SH3PXD2B: variants seen among roughly 807,000 people sequenced by gnomAD.
The protein encoded by SH3PXD2B is SH3 and PX domains 2B.
SH3PXD2B carries 37 observed loss-of-function variants against 73.1 expected under a neutral mutation model. The observed-to-expected ratio is 0.51, with a 90% CI of 0.39 to 0.67. SH3PXD2B has a LOEUF of 0.67. Among genes scored for constraint, SH3PXD2B ranks in the 30% least tolerant of loss-of-function variants. The pLI is 0.00. For missense variants in SH3PXD2B, 1,053 were observed against 1,197.8 expected, an observed-to-expected ratio of 0.88 and a Z score of 1.78; for synonymous variants, 457 against 480.5, an observed-to-expected ratio of 0.95 and a Z score of 0.64.
chr5:172,338,310 T>TA lies in SH3PXD2B; in HGVS notation c.*58dup. 1 of 1,612,400 alleles carries TA rather than the reference T, an allele frequency of 6.2e-7. No individual in the cohort carries two copies. The highest frequency in any genetic ancestry group is 8.5e-7 in the Non-Finnish European group (1 of 1,179,984). On this transcript the variant is annotated 3_prime_UTR_variant, in exon 13 of 13. Coordinates refer to ENST00000311601, the MANE Select transcript of SH3PXD2B (RefSeq NM_001017995.3). This position sits in a 1 kb window ranked among gnomAD's most constrained non-coding sequence, Gnocchi z 5.1. ...GAGAATGATAAATTAAGAGGCGTATTAAATACGTGGGTAAAGCCAGCAAGG... is the reference window on the plus strand; with the variant it reads ...GAGAATGATAAATTAAGAGGCGTATTAAAATACGTGGGTAAAGCCAGCAAGG...
chr5:172,366,931 C>CCTTTTTTTTT (rs1226783777), intron 6 of SH3PXD2B, among the ~76,000 whole-genome samples: 6 of 69,684 alleles, frequency 8.6e-5, no homozygotes, highest in Admixed American at 1.7e-4. Context: ...CGTGCCCGGC[C>CCTTTTTTTTT]ATTTTTTTTT....
intron 1 of SH3PXD2B, among the ~76,000 whole-genome samples, chr5:172,449,593 TAATTCAC>T (rs1759747701): frequency 6.6e-6 from 1 of 152,170 alleles, no homozygotes; most frequent in South Asian, 2.1e-4. Context: ...CAAAAACTGG[TAATTCAC>T]GGAAGAGGAA....
intron 6 of SH3PXD2B, among the ~76,000 whole-genome samples, chr5:172,368,805 T>C (rs1449809872): frequency 7.7e-6 from 1 of 130,324 alleles, no homozygotes; most frequent in Admixed American, 9.3e-5. Flanking sequence ...ACATATATAA[T>C]ATGTATATTA....
At chr5:172,389,148 T>C (rs898051082) in intron 4 of SH3PXD2B, among the ~76,000 whole-genome samples, 2 of 151,604 alleles carry the variant, frequency 1.3e-5, no homozygotes, top group African/African-American at 4.9e-5. Context: ...CTCTGCCTTC[T>C]GGGTTCAAGC....
Position 172,415,436 on chromosome 5 carries a change from G to T in SH3PXD2B, c.156+6980C>A, listed in dbSNP as rs867156666. Among the ~76,000 whole-genome samples the T allele has an allele frequency of 3.3e-5, 5 of 152,182 alleles. No homozygotes were observed. The South Asian group carries it at 1.0e-3, about 32-fold the overall frequency. On this transcript the variant is annotated intron_variant, in intron 2 of 12. Coordinates refer to ENST00000311601, the MANE Select transcript of SH3PXD2B (RefSeq NM_001017995.3). ...ATTGAAAGGCAATCCCGGGGCCCAAGGAGGCAGGGAGGTTAGGAGTGCAAG... is the reference window on the plus strand; with the variant it reads ...ATTGAAAGGCAATCCCGGGGCCCAATGAGGCAGGGAGGTTAGGAGTGCAAG...
rs142163158 is a variant in SH3PXD2B at position 172,446,651 on chromosome 5, C to T, written c.75+7627G>A. 7.6e-3 allele frequency among the ~76,000 whole-genome samples: 1,151 copies of T among 152,278 alleles called. 12 individuals are homozygous for T. The highest frequency in any genetic ancestry group is 0.025 in the African/African-American group (1,053 of 41,566). On this transcript the variant is annotated intron_variant, in intron 1 of 12. Transcript: ENST00000311601. ...CTGCTTGCCGACTTGCCTGCACCTC[C>T]GGTGGGAGGCAAGAGGATGCATGAA...
chr5:172,345,374 A>G (rs1756973216), intron 12 of SH3PXD2B, among the ~76,000 whole-genome samples: 1 of 152,178 alleles, frequency 6.6e-6, no homozygotes, highest in Non-Finnish European at 1.5e-5. Flanking sequence ...TAGGAGATCC[A>G]GGAGCATTTT....
At chr5:172,414,383 C>G (rs369920960) in intron 2 of SH3PXD2B, among the ~76,000 whole-genome samples, 4 of 144,922 alleles carry the variant, frequency 2.8e-5, no homozygotes, top group Non-Finnish European at 4.5e-5. Flanking sequence ...GTGGGGGAAT[C>G]GTTTGAACCC....
chr5:172,333,533 T>A lies in SH3PXD2B; in HGVS notation c.*4836A>T, dbSNP rs1046235666. The A allele has an allele frequency of 3.4e-5, 38 of 1,131,206 alleles. No homozygotes were observed. In the Admixed American group the frequency reaches 4.1e-4, roughly 12 times the overall value. The allele number at this position is 1,131,206 out of a possible 1,614,324, so 70.1% of individuals were successfully genotyped here. A position where few individuals can be genotyped will look rare whatever the true frequency, so the allele number is the denominator to read the frequency against. The stretch of plus-strand genomic sequence containing the variant: ...AAGCTTGAAACCAGTCAAGCACTTT[T>A]TTTATTTAAAAAAAAAAAAAGGAAA... On this transcript the variant is annotated 3_prime_UTR_variant, in exon 13 of 13. Transcript: ENST00000311601.
chr5:172,365,585 TC>T lies in SH3PXD2B; in HGVS notation c.428-2717del, dbSNP rs540810469. On this transcript the variant is annotated intron_variant, in intron 6 of 12. Coordinates refer to ENST00000311601, the MANE Select transcript of SH3PXD2B (RefSeq NM_001017995.3). ...TCCAGCCCTCTCCTCATCCTCCACT[TC>T]CCCCGAGGTCAGGTGGCAGGGCCGA... Among the ~76,000 whole-genome samples the T allele has an allele frequency of 4.3e-3, 599 of 140,350 alleles. 2 individuals carry two copies. The highest frequency in any genetic ancestry group is 0.016 in the African/African-American group (563 of 35,286). 92.1% of individuals were successfully genotyped at this position (140,350 alleles called of 152,430 possible).
intron 1 of SH3PXD2B, among the ~76,000 whole-genome samples, chr5:172,453,479 G>C (rs896757818): frequency 6.6e-6 from 1 of 152,208 alleles, no homozygotes; most frequent in African/African-American, 2.4e-5. Context: ...TCCACCTGCA[G>C]GTCACCGTCA....
At chr5:172,434,791 T>TTTTG (rs57552318) in intron 1 of SH3PXD2B, among the ~76,000 whole-genome samples, 43 of 149,882 alleles carry the variant, frequency 2.9e-4, no homozygotes, top group African/African-American at 5.5e-4. Flanking sequence ...GGTTTTTTTT[T>TTTTG]TTTTTTTTTT....
At chr5:172,409,486 C>T (rs114585360) in intron 2 of SH3PXD2B, among the ~76,000 whole-genome samples, 2,918 of 152,260 alleles carry the variant, frequency 0.019, 87 homozygotes, top group African/African-American at 0.06. Flanking sequence ...CTCCCCACTT[C>T]CCCCTACCCT....
intron 7 of SH3PXD2B, 103 bp from the exon 8 acceptor site, chr5:172,358,980 G>A (rs994357112): frequency 2.7e-6 from 3 of 1,097,934 alleles, no homozygotes; most frequent in South Asian, 2.7e-5. Context: ...AATGCACAGG[G>A]TAAGGCTAAA....
Position 172,339,327 on chromosome 5 carries a change from T to C in SH3PXD2B, c.1778A>G (p.Asp593Gly). ...DKSRLFQLKN[D>G]MGLECGHKVL... ...CTTGTGGCCACACTCCAGCCCCATGTCATTTTTCAGCTGGAACAGTCTGCT... is the reference window on the plus strand; with the variant it reads ...CTTGTGGCCACACTCCAGCCCCATGCCATTTTTCAGCTGGAACAGTCTGCT... The change falls in exon 13 of 13, where the codon GAC becomes GGC. Residue 593 changes from aspartate to glycine, a missense_variant. By Grantham distance (94) the Asp-to-Gly change is moderately conservative. Around this residue, in one of 2 missense-constraint regions of SH3PXD2B, gnomAD observed 587 missense variants for 590.7 expected, o/e 0.99. Transcript: ENST00000311601. This position sits in a 1 kb window ranked among gnomAD's most constrained non-coding sequence, Gnocchi z 6.1. 6.2e-7 allele frequency: 1 copy of C among 1,614,242 alleles called. No homozygotes were observed. The highest frequency in any genetic ancestry group is 8.5e-7 in the Non-Finnish European group (1 of 1,180,032).
At chr5:172,442,274 G>C (rs1460842287) in intron 1 of SH3PXD2B, among the ~76,000 whole-genome samples, 1 of 152,140 alleles carries the variant, frequency 6.6e-6, no homozygotes, top group Admixed American at 6.6e-5. Flanking sequence ...CACCATCAGA[G>C]ATGATGCTTT....
At position 172,338,571 on chromosome 5, in the gene SH3PXD2B, G is replaced by A. The variant is rs775684253; in HGVS notation, c.2534C>T (p.Pro845Leu). ...NREKAAAASV[P>L]NADGLKDSLY... Reference sequence around the variant, plus strand: ...AGAGTCCTTCAGGCCGTCGGCATTGGGGACAGAGGCTGCAGCTGCTTTCTC... The same window carrying A: ...AGAGTCCTTCAGGCCGTCGGCATTGAGGACAGAGGCTGCAGCTGCTTTCTC... Residue 845 changes from proline (P) to leucine (L), a missense_variant, in exon 13 of 13, where the codon CCC becomes CTC. By Grantham distance (98) the Pro-to-Leu change is moderately conservative (BLOSUM62 -3). Coordinates refer to ENST00000311601, the MANE Select transcript of SH3PXD2B (RefSeq NM_001017995.3). This position sits in a 1 kb window ranked among gnomAD's most constrained non-coding sequence, Gnocchi z 5.1. The A allele has an allele frequency of 1.2e-6, 2 of 1,614,156 alleles. No homozygotes were observed. Among genetic ancestry groups the A allele is most frequent in the Non-Finnish European group, 1.7e-6 (2 of 1,179,994 alleles).
At chr5:172,349,615 A>G (rs141291999) in intron 10 of SH3PXD2B, among the ~76,000 whole-genome samples, 2 of 152,320 alleles carry the variant, frequency 1.3e-5, no homozygotes, top group East Asian at 3.9e-4. Flanking sequence ...CCCAGGTTCA[A>G]GTCCCCGCCC....
At chr5:172,391,927 C>G (rs550321840) in intron 4 of SH3PXD2B, among the ~76,000 whole-genome samples, 1 of 152,224 alleles carries the variant, frequency 6.6e-6, no homozygotes, top group South Asian at 2.1e-4. Flanking sequence ...ATGTTTTCTT[C>G]TAGAAGTTTT....
Sources: allele counts gnomAD v4.1 joint callset (sites outside exome capture counted in the v4.1 genomes callset), GRCh38; gene constraint gnomAD v4.1.1; regional missense constraint gnomAD v4.1.1; non-coding constraint Gnocchi (gnomAD v3.1); transcripts MANE v1.5; gene names NCBI Gene and HGNC (gene_info 2026-07-23, HGNC 2026-07-21).